The following TAFA1 variants were observed in gnomAD, a reference collection of about 807,000 sequenced individuals.
The protein encoded by TAFA1 is chemokine-like protein TAFA-1.
A neutral mutation model predicts 18.5 loss-of-function variants in TAFA1; 4 were observed. The ratio of observed to expected loss-of-function variants is 0.22; its 90% CI spans 0.11 to 0.49. The LOEUF is 0.49. TAFA1 is among the 20% of genes least tolerant of loss of function. TAFA1 has a pLI of 0.98. For missense variants in TAFA1, 147 were observed against 169.0 expected, an observed-to-expected ratio of 0.87 and a Z score of 0.72; for synonymous variants, 56 against 55.2, an observed-to-expected ratio of 1.01 and a Z score of -0.06.
chr3:68,095,309 T>G (rs2065075367), intron 2 of TAFA1, among the ~76,000 whole-genome samples: 1 of 152,176 alleles, frequency 6.6e-6, no homozygotes, highest in Admixed American at 6.5e-5. Flanking sequence ...AGTGGTGTCA[T>G]TTTAAAAAAC....
intron 2 of TAFA1, among the ~76,000 whole-genome samples, chr3:68,412,921 T>C (rs1298561846): frequency 6.6e-6 from 1 of 151,750 alleles, no homozygotes; most frequent in Non-Finnish European, 1.5e-5. Flanking sequence ...CAAATGGTAT[T>C]TCTAGTTCTA....
chr3:68,281,889 G>T (rs1272877287), intron 2 of TAFA1, among the ~76,000 whole-genome samples: 1 of 152,130 alleles, frequency 6.6e-6, no homozygotes, highest in Admixed American at 6.6e-5. Context: ...TGGAATCATT[G>T]TTTTAGTCCA....
chr3:68,410,253 T>C (rs1383388229), intron 2 of TAFA1, among the ~76,000 whole-genome samples: 1 of 152,048 alleles, frequency 6.6e-6, no homozygotes, highest in Non-Finnish European at 1.5e-5. Flanking sequence ...AGATGCCCCA[T>C]GGAGTTTTTT....
chr3:68,452,677 A>T (rs1299311111), intron 3 of TAFA1, among the ~76,000 whole-genome samples: 2 of 152,198 alleles, frequency 1.3e-5, no homozygotes, highest in East Asian at 3.8e-4. Context: ...CATGTGCCCC[A>T]GTCAAAGAGG....
intron 3 of TAFA1, among the ~76,000 whole-genome samples, chr3:68,443,106 T>C (rs994289431): frequency 6.6e-6 from 1 of 152,104 alleles, no homozygotes; most frequent in African/African-American, 2.4e-5. Context: ...TACTTCGTAA[T>C]TACCTTGGCT....
At chr3:68,326,760 T>C (rs2068783364) in intron 2 of TAFA1, among the ~76,000 whole-genome samples, 1 of 152,234 alleles carries the variant, frequency 6.6e-6, no homozygotes. Flanking sequence ...TATTATCTCA[T>C]TTCAGCCTCA....
At position 68,246,064 on chromosome 3, in the gene TAFA1, G is replaced by A. The variant is rs552444693; in HGVS notation, c.119-171216G>A. ...ATCTTCAGAGTCAACGACGATGTCC[G>A]GTACCATCCTCTGTCTGCTATTTCC... On this transcript the variant is annotated intron_variant, in intron 2 of 4. Coordinates refer to ENST00000478136, the MANE Select transcript of TAFA1 (RefSeq NM_213609.4). 1.1e-4 allele frequency among the ~76,000 whole-genome samples: 16 copies of A among 152,208 alleles called. No individual in the cohort carries two copies. In the South Asian group the frequency reaches 3.3e-3, roughly 32 times the overall value.
intron 3 of TAFA1, among the ~76,000 whole-genome samples, chr3:68,498,691 T>C (rs1430828067): frequency 3.4e-5 from 5 of 146,730 alleles, no homozygotes; most frequent in Admixed American, 2.7e-4. Flanking sequence ...TATTTGGGAT[T>C]ATAAAAATTC....
chr3:68,285,994 C>T (rs989904676), intron 2 of TAFA1, among the ~76,000 whole-genome samples: 5 of 151,988 alleles, frequency 3.3e-5, no homozygotes, highest in African/African-American at 4.8e-5. Flanking sequence ...AGGCAGATCA[C>T]GAGGTCAAGA....
intron 2 of TAFA1, among the ~76,000 whole-genome samples, chr3:68,118,285 G>A (rs540252978): frequency 3.9e-5 from 6 of 152,136 alleles, no homozygotes; most frequent in South Asian, 4.2e-4. Context: ...CCTCACATGC[G>A]CACTTCATAA....
At chr3:68,198,437 AAAACCACC>A (rs2066436732) in intron 2 of TAFA1, among the ~76,000 whole-genome samples, 1 of 151,634 alleles carries the variant, frequency 6.6e-6, no homozygotes, top group African/African-American at 2.4e-5. Context: ...AGTTTTGTCA[AAAACCACC>A]AAACAGTCTT....
At chr3:68,154,178 C>G (rs190394754) in intron 2 of TAFA1, among the ~76,000 whole-genome samples, 8 of 152,250 alleles carry the variant, frequency 5.3e-5, no homozygotes, top group Non-Finnish European at 1.2e-4. Flanking sequence ...TCTAAAACAT[C>G]CTAAGATAAC....
intron 2 of TAFA1, among the ~76,000 whole-genome samples, chr3:68,387,946 C>G (rs985336341): frequency 6.6e-5 from 10 of 152,078 alleles, no homozygotes; most frequent in Non-Finnish European, 1.5e-4. Context: ...ATCATTAAAA[C>G]TAATTCCTGA....
intron 2 of TAFA1, among the ~76,000 whole-genome samples, chr3:68,060,748 A>G (rs1198691732): frequency 6.6e-6 from 1 of 151,486 alleles, no homozygotes; most frequent in Non-Finnish European, 1.5e-5. Context: ...GAAAAGATAA[A>G]AGAGTTGGAG....
chr3:68,305,405 A>G (rs1396599129), intron 2 of TAFA1, among the ~76,000 whole-genome samples: 8 of 101,658 alleles, frequency 7.9e-5, no homozygotes, highest in Non-Finnish European at 2.0e-5. Flanking sequence ...ATATGACTAT[A>G]TGACTATATA....
intron 2 of TAFA1, among the ~76,000 whole-genome samples, chr3:68,109,029 G>T (rs530640858): frequency 1.4e-4 from 21 of 151,990 alleles, no homozygotes; most frequent in Middle Eastern, 3.4e-3. Flanking sequence ...CCTCAAGGAT[G>T]CATATAATGA....
At chr3:68,000,348 A>G (rs1255700362), upstream of TAFA1, among the ~76,000 whole-genome samples, 1 of 152,216 alleles carries the variant, frequency 6.6e-6, no homozygotes, top group Non-Finnish European at 1.5e-5. Context: ...TAACACTTGT[A>G]TTTAAGATTC....
At chr3:68,088,674 A>C (rs910568827) in intron 2 of TAFA1, among the ~76,000 whole-genome samples, 1 of 152,222 alleles carries the variant, frequency 6.6e-6, no homozygotes, top group Non-Finnish European at 1.5e-5. Context: ...AGCCAAGCTG[A>C]GAGGTAGGGA....
chr3:68,356,069 C>T (rs956331626), intron 2 of TAFA1, among the ~76,000 whole-genome samples: 8 of 151,874 alleles, frequency 5.3e-5, no homozygotes, highest in East Asian at 3.9e-4. Context: ...AAGTGGCTAG[C>T]GGCTCCTTTA....
Sources: allele counts gnomAD v4.1 joint callset (sites outside exome capture counted in the v4.1 genomes callset), GRCh38; gene constraint gnomAD v4.1.1; transcripts MANE v1.5; gene names NCBI Gene and HGNC (gene_info 2026-07-23, HGNC 2026-07-21).